DPF3: variants seen among roughly 807,000 people sequenced by gnomAD.
DPF3 encodes the protein double PHD fingers 3, also known as zinc finger protein DPF3.
Under a neutral mutation model 56.8 loss-of-function variants are expected in DPF3, and 18 were observed. The ratio of observed to expected loss-of-function variants is 0.32; its 90% CI spans 0.22 to 0.47. DPF3 has a LOEUF of 0.47. Among genes scored for constraint, DPF3 ranks in the 20% least tolerant of loss-of-function variants. DPF3 has a pLI of 1.00. For missense variants in DPF3, 403 were observed against 488.8 expected (o/e 0.82, Z 1.65); for synonymous variants, 188 against 180.2 (o/e 1.04, Z -0.35).
chr14:72,861,802 AGAAG>A (rs1449440896), intron 1 of DPF3, among the ~76,000 whole-genome samples: 4 of 144,236 alleles, frequency 2.8e-5, no homozygotes, highest in Non-Finnish European at 5.9e-5. Flanking sequence ...AAAGAAAGAA[AGAAG>A]GAAAGAATTT....
intron 3 of DPF3, among the ~76,000 whole-genome samples, chr14:72,732,502 G>T (rs1728936698): frequency 6.6e-6 from 1 of 152,190 alleles, no homozygotes; most frequent in South Asian, 2.1e-4. Flanking sequence ...CCTCAGAAAG[G>T]TTGTTCTCTT....
At chr14:72,644,559 A>C (rs1343648171) in intron 8 of DPF3, among the ~76,000 whole-genome samples, 1 of 152,206 alleles carries the variant, frequency 6.6e-6, no homozygotes, top group Admixed American at 6.5e-5. Context: ...ATTTCCAGTG[A>C]CCAGCATCTG....
rs1491575759 is a variant in DPF3, at chr14:72,861,786, A to AGAAG, written c.32+32270_32+32271insCTTC. Among the ~76,000 whole-genome samples the AGAAG allele has an allele frequency of 4.6e-4, 70 of 151,090 alleles. No homozygotes were observed. In the East Asian group the frequency reaches 0.013, roughly 28 times the overall value. Reference sequence around the variant, plus strand: ...AAGAAAGAAAGAAAGAAAGAAAGAAAGAAAGAAAGAAAGAAAGAAGGAAAG... The same window carrying AGAAG: ...AAGAAAGAAAGAAAGAAAGAAAGAAAGAAGGAAAGAAAGAAAGAAAGAAGGAAAG... On this transcript the variant is annotated intron_variant, in intron 1 of 10. Transcript: ENST00000556509.
chr14:72,824,973 C>T (rs1883730675), intron 1 of DPF3, among the ~76,000 whole-genome samples: 1 of 152,040 alleles, frequency 6.6e-6, no homozygotes, highest in Admixed American at 6.6e-5. Context: ...CTGAAACCTC[C>T]ACCTCCCGGA....
chr14:72,679,850 C>A (rs1423076482), intron 7 of DPF3, among the ~76,000 whole-genome samples: 1 of 152,188 alleles, frequency 6.6e-6, no homozygotes, highest in Non-Finnish European at 1.5e-5. Flanking sequence ...GCCGGCCAGG[C>A]GGGACGTGCT....
At position 72,670,896 on chromosome 14, in the gene DPF3, G is replaced by A. The variant is rs184871557; in HGVS notation, c.871+3344C>T. On this transcript the variant is annotated intron_variant, in intron 8 of 10. Transcript: ENST00000556509. ...ATAGCGCATCACGATGCCATCTCTC[G>A]GAAGAACGCTCATTCTGCTGTTTTG... 1.1e-5 allele frequency: 14 copies of A among 1,236,726 alleles called. No homozygotes were observed. The East Asian group carries it at 1.4e-4, about 12-fold the overall frequency. 76.6% of individuals were successfully genotyped at this position (1,236,726 alleles called of 1,614,324 possible).
At chr14:72,666,235 AT>A (rs1886437371) in intron 8 of DPF3, among the ~76,000 whole-genome samples, 1 of 152,208 alleles carries the variant, frequency 6.6e-6, no homozygotes, top group Non-Finnish European at 1.5e-5. Context: ...AACAGTGACC[AT>A]TTAGGAAGCT....
At chr14:72,638,398 T>C (rs932887287) in intron 8 of DPF3, among the ~76,000 whole-genome samples, 9 of 152,196 alleles carry the variant, frequency 5.9e-5, no homozygotes, top group African/African-American at 2.2e-4. Flanking sequence ...AGGCTCTGTG[T>C]TTTCTTTAGG....
intron 1 of DPF3, among the ~76,000 whole-genome samples, chr14:72,863,113 CAT>C (rs200822872): frequency 0.023 from 2,495 of 106,738 alleles, 90 homozygotes; most frequent in African/African-American, 0.084. Context: ...TGTGTGTATA[CAT>C]ATATGTGTGT....
intron 3 of DPF3, among the ~76,000 whole-genome samples, chr14:72,738,883 A>G (rs1387713988): frequency 6.6e-6 from 1 of 152,192 alleles, no homozygotes; most frequent in Non-Finnish European, 1.5e-5. Context: ...TATGCCATAA[A>G]TATATATAAC....
intron 4 of DPF3, among the ~76,000 whole-genome samples, chr14:72,725,098 A>C (rs529616062): frequency 6.6e-6 from 1 of 152,204 alleles, no homozygotes; most frequent in African/African-American, 2.4e-5. Flanking sequence ...CCAATTATAC[A>C]ATAGGAATTC....
chr14:72,780,398 A>C (rs901018253), intron 1 of DPF3, among the ~76,000 whole-genome samples: 1 of 152,240 alleles, frequency 6.6e-6, no homozygotes, highest in Non-Finnish European at 1.5e-5. Flanking sequence ...TCTTAAAGAC[A>C]GGAACTGAGA....
chr14:72,619,443 T>C (rs12887300), intron 10 of DPF3, 76 bp from the exon 11 acceptor site: 105,633 of 1,461,744 alleles, frequency 0.072, 4,272 homozygotes, highest in Middle Eastern at 0.11. Context: ...CCTAACTTCT[T>C]GTAAATCCTG....
intron 3 of DPF3, among the ~76,000 whole-genome samples, chr14:72,749,846 TAAA>T (rs200765874): frequency 4.9e-5 from 6 of 122,816 alleles, no homozygotes; most frequent in African/African-American, 1.5e-4. Context: ...AGACCCTGTT[TAAA>T]AAAAAAAAAG....
At chr14:72,827,488 C>CTTTTTTTTT (rs1182260007) in intron 1 of DPF3, among the ~76,000 whole-genome samples, 1 of 78,282 alleles carries the variant, frequency 1.3e-5, no homozygotes, top group Non-Finnish European at 2.4e-5. Flanking sequence ...TCCCTTTACT[C>CTTTTTTTTT]TTTTTTTTTT....
intron 1 of DPF3, among the ~76,000 whole-genome samples, chr14:72,843,875 G>T (rs1884649276): frequency 6.6e-6 from 1 of 152,184 alleles, no homozygotes; most frequent in Non-Finnish European, 1.5e-5. Flanking sequence ...GTTTACATAT[G>T]CTAGGCATTG....
intron 7 of DPF3, among the ~76,000 whole-genome samples, chr14:72,691,290 T>C (rs545319995): frequency 3.4e-4 from 52 of 152,200 alleles, no homozygotes; most frequent in African/African-American, 1.2e-3. Context: ...ACTCCCAAAT[T>C]CCTATGTTGA....
chr14:72,875,658 G>A (rs1280846876), intron 1 of DPF3, among the ~76,000 whole-genome samples: 1 of 152,172 alleles, frequency 6.6e-6, no homozygotes, highest in Admixed American at 6.5e-5. Context: ...CCCCACCATG[G>A]AGTGTCTGAG....
chr14:72,681,566 G>A (rs768685150), intron 7 of DPF3, among the ~76,000 whole-genome samples: 9 of 152,126 alleles, frequency 5.9e-5, no homozygotes, highest in Non-Finnish European at 1.0e-4. Flanking sequence ...AAAATGTGGC[G>A]TCAACCCTCC....
Sources: gnomAD v4.1 joint callset for allele counts (sites outside exome capture counted in the v4.1 genomes callset) on GRCh38, gnomAD v4.1.1 for gene constraint, MANE v1.5 for transcripts, NCBI Gene and HGNC (gene_info 2026-07-23, HGNC 2026-07-21) for gene names.